DPH6: variants seen among roughly 807,000 people sequenced by gnomAD.
DPH6 encodes diphthamine biosynthesis 6.
Under a neutral mutation model 38.2 loss-of-function variants are expected in DPH6, and 33 were observed. The ratio of observed to expected loss-of-function variants is 0.86; its 90% CI spans 0.65 to 1.15. The LOEUF is 1.15. Ranked by LOEUF, DPH6 falls within the 50% of genes most tolerant of loss-of-function variation. The pLI, the probability that DPH6 is intolerant of heterozygous loss-of-function variation, is 0.00. For synonymous variants in DPH6, 108 were observed against 103.0 expected (o/e 1.05, Z -0.30); for missense variants, 325 against 320.0 (o/e 1.02, Z -0.12).
At chr15:35,290,122 A>G (rs941715633) in intron 3 of DPH6, among the ~76,000 whole-genome samples, 9 of 152,242 alleles carry the variant, frequency 5.9e-5, no homozygotes, top group African/African-American at 2.2e-4. Flanking sequence ...AAACAAGGGC[A>G]AATTGAAGCC....
chr15:35,196,983 C>T, the DPH6 span, among the ~76,000 whole-genome samples: 852 of 152,192 alleles, frequency 5.6e-3, 5 homozygotes, highest in African/African-American at 0.019. Context: ...GAACTTATAG[C>T]TTAGTTACTA....
intron 3 of DPH6, among the ~76,000 whole-genome samples, chr15:35,229,268 T>C (rs2051501752): frequency 6.6e-6 from 1 of 152,106 alleles, no homozygotes; most frequent in Non-Finnish European, 1.5e-5. Flanking sequence ...TATTTTCAAA[T>C]AGACTGTCTT....
intron 6 of DPH6, among the ~76,000 whole-genome samples, chr15:35,391,814 CT>C (rs1164746228): frequency 2.6e-5 from 4 of 152,194 alleles, no homozygotes; most frequent in African/African-American, 7.2e-5. Context: ...CCTCGCCCTG[CT>C]TTGGCTCATG....
chr15:35,503,409 T>C (rs1255229895), intron 3 of DPH6, among the ~76,000 whole-genome samples: 5 of 152,064 alleles, frequency 3.3e-5, no homozygotes, highest in African/African-American at 1.2e-4. Flanking sequence ...TCTTAAAAGA[T>C]CAGTCTGAAT....
intron 3 of DPH6, among the ~76,000 whole-genome samples, chr15:35,223,469 G>T (rs762004587): frequency 8.5e-5 from 13 of 152,088 alleles, no homozygotes; most frequent in Admixed American, 1.3e-4. Flanking sequence ...GGTGGATCAC[G>T]AGGTCAGGAG....
Position 35,421,022 on chromosome 15 carries a change from A to G in DPH6, c.506-10126T>C, listed in dbSNP as rs572517245. 5.9e-5 allele frequency among the ~76,000 whole-genome samples: 9 copies of G among 152,306 alleles called. No homozygotes were observed. The South Asian group carries it at 1.0e-3, about 18-fold the overall frequency. ...TAAATACAGTTAAACTGTATTTAAC[A>G]ACAAATTGGGCAATCTAGACAAAAT... On this transcript the variant is annotated intron_variant, in intron 5 of 8. Coordinates refer to ENST00000256538, the MANE Select transcript of DPH6 (RefSeq NM_080650.4).
intron 3 of DPH6, among the ~76,000 whole-genome samples, chr15:35,301,056 G>A (rs2052051509): frequency 6.6e-6 from 1 of 152,096 alleles, no homozygotes; most frequent in Non-Finnish European, 1.5e-5. Context: ...TCATTTCCAA[G>A]TTAAAAAAGG....
chr15:35,244,310 G>T (rs139412016), intron 3 of DPH6, among the ~76,000 whole-genome samples: 2 of 152,238 alleles, frequency 1.3e-5, no homozygotes, highest in Admixed American at 1.3e-4. Context: ...TTCCTTGAAT[G>T]ACCTCTTTAA....
At chr15:35,497,533 C>T (rs959176197) in intron 3 of DPH6, among the ~76,000 whole-genome samples, 13 of 152,088 alleles carry the variant, frequency 8.5e-5, no homozygotes, top group African/African-American at 2.9e-4. Flanking sequence ...TATCCATAGT[C>T]GGAAGTTGAG....
chr15:35,263,583 T>C (rs1181765645), intron 3 of DPH6, among the ~76,000 whole-genome samples: 1 of 151,872 alleles, frequency 6.6e-6, no homozygotes, highest in East Asian at 1.9e-4. Flanking sequence ...TTTATTTTTA[T>C]TTTTTGTAGA....
chr15:35,416,386 T>C (rs1405512809), intron 5 of DPH6, among the ~76,000 whole-genome samples: 1 of 151,902 alleles, frequency 6.6e-6, no homozygotes, highest in African/African-American at 2.4e-5. Context: ...TTACGTCAGG[T>C]GATTTAGGTA....
intron 3 of DPH6, among the ~76,000 whole-genome samples, chr15:35,484,241 T>G (rs760208704): frequency 6.6e-5 from 10 of 152,294 alleles, no homozygotes; most frequent in Non-Finnish European, 7.4e-5. Context: ...TATTGATAAT[T>G]TTTACATCTG....
rs1167780757 is a variant in DPH6 at position 35,381,873 on chromosome 15, T to C, written c.611A>G (p.Glu204Gly). The C allele has an allele frequency of 6.2e-6, 10 of 1,613,628 alleles. No homozygotes were observed. The highest frequency in any genetic ancestry group is 8.5e-6 in the Non-Finnish European group (10 of 1,179,786). ...GCAATCCAAAGTGAAAGTTTCATACTCTCCACCTTCTCCACAAACATGTAC... is the reference window on the plus strand; with the variant it reads ...GCAATCCAAAGTGAAAGTTTCATACCCTCCACCTTCTCCACAAACATGTAC... ...YGVHVCGEGG[E>G]YETFTLDCPL... The change falls in exon 7 of 9, where the codon GAG becomes GGG. Residue 204 changes from glutamate (E) to glycine (G), a missense_variant. Coordinates refer to ENST00000256538, the MANE Select transcript of DPH6 (RefSeq NM_080650.4).
At chr15:35,331,945 G>A (rs1484942023) in intron 3 of DPH6, among the ~76,000 whole-genome samples, 1 of 152,132 alleles carries the variant, frequency 6.6e-6, no homozygotes, top group Non-Finnish European at 1.5e-5. Context: ...TGTATGCCCA[G>A]AGCTTTTGGT....
At chr15:35,345,353 T>A (rs1264178448) in intron 3 of DPH6, among the ~76,000 whole-genome samples, 2 of 151,872 alleles carry the variant, frequency 1.3e-5, no homozygotes, top group Admixed American at 6.6e-5. Context: ...AATTTATACA[T>A]TTATTTATTT....
At chr15:35,147,101 A>G in the DPH6 span, among the ~76,000 whole-genome samples, 4,731 of 152,286 alleles carry the variant, frequency 0.031, 244 homozygotes, top group African/African-American at 0.11. Flanking sequence ...GGTGCTTTCT[A>G]TATGGCAAGC....
intron 3 of DPH6, 51 bp downstream of exon 3, chr15:35,538,223 T>C (rs3759844): frequency 0.054 from 71,908 of 1,341,468 alleles, 2,368 homozygotes; most frequent in African/African-American, 0.13. Flanking sequence ...CAAATGTAAT[T>C]TGTTAAATTA....
chr15:35,165,926 T>G, the DPH6 span, among the ~76,000 whole-genome samples: 1 of 151,970 alleles, frequency 6.6e-6, no homozygotes, highest in Non-Finnish European at 1.5e-5. Context: ...GTTTTAACTG[T>G]TATACCTCAT....
chr15:35,326,629 T>C (rs150884060), downstream of DPH6, among the ~76,000 whole-genome samples: 43 of 152,050 alleles, frequency 2.8e-4, no homozygotes, highest in African/African-American at 8.7e-4. Flanking sequence ...AGAGATAGGG[T>C]CTTGCTATAT....
Sources: gnomAD v4.1 joint callset for allele counts (sites outside exome capture counted in the v4.1 genomes callset) on GRCh38, gnomAD v4.1.1 for gene constraint, MANE v1.5 for transcripts, NCBI Gene and HGNC (gene_info 2026-07-23, HGNC 2026-07-21) for gene names.